Variants in CTNNA2 observed in about 807,000 individuals in gnomAD.
The protein encoded by CTNNA2 is catenin alpha 2, also known as catenin alpha-2.
In CTNNA2, 42 loss-of-function variants were observed where a neutral mutation model predicts 101.0. That is an observed-to-expected ratio of 0.42 (90% CI 0.32 to 0.54). The LOEUF is 0.54. CTNNA2 is among the 20% of genes least tolerant of loss of function. The probability of loss-of-function intolerance (pLI) is 0.14; values close to 1 mark genes in which losing one functional copy is unlikely to be tolerated. For missense variants in CTNNA2, 871 were observed against 1,223.1 expected, an observed-to-expected ratio of 0.71 and a Z score of 4.29; for synonymous variants, 450 against 456.4, an observed-to-expected ratio of 0.99 and a Z score of 0.18.
intron 1 of CTNNA2, among the ~76,000 whole-genome samples, chr2:79,585,034 A>G (rs1002680022): frequency 2.0e-5 from 3 of 152,148 alleles, no homozygotes; most frequent in Non-Finnish European, 2.9e-5. Context: ...TGGATCTTCC[A>G]CTGGTGTTCA....
intron 7 of CTNNA2, among the ~76,000 whole-genome samples, chr2:80,333,384 G>A (rs1014300435): frequency 1.3e-5 from 2 of 152,278 alleles, no homozygotes; most frequent in Admixed American, 1.3e-4. Flanking sequence ...ATTCAATCTG[G>A]TGTCTGCTCT....
chr2:79,212,514 A>G (rs148836237), intron 2 of CTNNA2, among the ~76,000 whole-genome samples: 5,859 of 152,196 alleles, frequency 0.038, 420 homozygotes, highest in African/African-American at 0.13. Context: ...TAAAAGACCA[A>G]TAGTACATTC....
chr2:80,578,283 T>A (rs1695235597), intron 13 of CTNNA2, among the ~76,000 whole-genome samples: 3 of 152,184 alleles, frequency 2.0e-5, no homozygotes, highest in Admixed American at 2.0e-4. Context: ...TAGTTTCTGT[T>A]TATTGAAAAA....
intron 7 of CTNNA2, among the ~76,000 whole-genome samples, chr2:80,270,726 A>G (rs570086541): frequency 6.6e-6 from 1 of 152,320 alleles, no homozygotes; most frequent in East Asian, 1.9e-4. Context: ...AGGCAGTTCA[A>G]CACCTATCAG....
At chr2:79,479,665 G>A (rs1238118523) in intron 4 of CTNNA2, among the ~76,000 whole-genome samples, 5 of 152,104 alleles carry the variant, frequency 3.3e-5, no homozygotes, top group African/African-American at 1.2e-4. Flanking sequence ...GCTCACACTT[G>A]TAATCCTAGC....
At chr2:79,627,258 C>T (rs1053076301) in intron 1 of CTNNA2, among the ~76,000 whole-genome samples, 2 of 152,234 alleles carry the variant, frequency 1.3e-5, no homozygotes, top group African/African-American at 2.4e-5. Context: ...AAAGCCTATG[C>T]TTCTTCAGTT....
At chr2:80,461,484 T>G (rs926651643) in intron 9 of CTNNA2, among the ~76,000 whole-genome samples, 1 of 152,186 alleles carries the variant, frequency 6.6e-6, no homozygotes, top group African/African-American at 2.4e-5. Context: ...AAATTCCCAT[T>G]GCTAGGGTTC....
chr2:79,593,056 G>T (rs1676962766), intron 1 of CTNNA2, among the ~76,000 whole-genome samples: 1 of 152,222 alleles, frequency 6.6e-6, no homozygotes, highest in Non-Finnish European at 1.5e-5. Context: ...GGAAGTAAAT[G>T]CAGGAATAGT....
At chr2:80,378,139 G>A (rs1477342593) in intron 7 of CTNNA2, among the ~76,000 whole-genome samples, 1 of 151,950 alleles carries the variant, frequency 6.6e-6, no homozygotes, top group Non-Finnish European at 1.5e-5. Context: ...GGCGAATCAC[G>A]AGGTCAGGAG....
intron 18 of CTNNA2, among the ~76,000 whole-genome samples, chr2:80,635,244 C>A (rs1672755174): frequency 6.6e-6 from 1 of 151,712 alleles, no homozygotes; most frequent in Non-Finnish European, 1.5e-5. Context: ...AAGCAGTGAC[C>A]AGGAAAAAAG....
At chr2:79,911,677 TACAGACA>T (rs1288466897) in intron 7 of CTNNA2, among the ~76,000 whole-genome samples, 1 of 152,258 alleles carries the variant, frequency 6.6e-6, no homozygotes, top group Non-Finnish European at 1.5e-5. Context: ...TTGACATGGT[TACAGACA>T]ATACATCAAT....
At chr2:79,866,997 C>T (rs1682157723) in intron 4 of CTNNA2, among the ~76,000 whole-genome samples, 1 of 152,164 alleles carries the variant, frequency 6.6e-6, no homozygotes, top group Non-Finnish European at 1.5e-5. Flanking sequence ...CATAGCCCTC[C>T]TCACACAGTT....
In CTNNA2 at chr2:79,410,215, G is replaced by C. The variant is rs1228745798; in HGVS notation, c.-135+36202G>C. 6.9e-5 allele frequency among the ~76,000 whole-genome samples: 10 copies of C among 145,540 alleles called. No homozygotes were observed. In the Admixed American group the frequency reaches 6.9e-4, roughly 10 times the overall value. On this transcript the variant is annotated intron_variant, in intron 4 of 21. Transcript: ENST00000466387. ...GGAGATTTTGGGCTGAGACAATGGGGTTTTCTAGATATACAATCATGTCAT... is the reference window on the plus strand; with the variant it reads ...GGAGATTTTGGGCTGAGACAATGGGCTTTTCTAGATATACAATCATGTCAT...
intron 4 of CTNNA2, among the ~76,000 whole-genome samples, chr2:79,455,380 T>C (rs529573352): frequency 6.6e-6 from 1 of 152,282 alleles, no homozygotes; most frequent in Non-Finnish European, 1.5e-5. Flanking sequence ...ATCGCAGTTA[T>C]GCCTGAGCTC....
chr2:80,436,156 T>C (rs1257347246), intron 9 of CTNNA2, among the ~76,000 whole-genome samples: 1 of 152,114 alleles, frequency 6.6e-6, no homozygotes, highest in Non-Finnish European at 1.5e-5. Context: ...GTGGCTTCGC[T>C]CCCAACCTCT....
intron 7 of CTNNA2, among the ~76,000 whole-genome samples, chr2:80,244,330 T>A (rs950568182): frequency 6.6e-6 from 1 of 152,218 alleles, no homozygotes; most frequent in Non-Finnish European, 1.5e-5. Context: ...AGACGATTCT[T>A]AACAAAGAGA....
chr2:79,967,306 C>G (rs1473188502), intron 7 of CTNNA2, among the ~76,000 whole-genome samples: 1 of 152,158 alleles, frequency 6.6e-6, no homozygotes, highest in Non-Finnish European at 1.5e-5. Flanking sequence ...ATCCAGGCGT[C>G]TAGGTCCCAA....
At chr2:79,663,826 G>A (rs1196461142) in intron 2 of CTNNA2, among the ~76,000 whole-genome samples, 3 of 152,170 alleles carry the variant, frequency 2.0e-5, no homozygotes, top group Non-Finnish European at 4.4e-5. Flanking sequence ...TTTATCTCCA[G>A]TACCTTTGAC....
chr2:80,102,288 T>G (rs1299937271), intron 7 of CTNNA2, among the ~76,000 whole-genome samples: 3 of 152,174 alleles, frequency 2.0e-5, no homozygotes, highest in Non-Finnish European at 4.4e-5. Flanking sequence ...GACAGTAGCC[T>G]CCAGAAGGAG....
Sources: allele counts gnomAD v4.1 joint callset (sites outside exome capture counted in the v4.1 genomes callset), GRCh38; gene constraint gnomAD v4.1.1; transcripts MANE v1.5; gene names NCBI Gene and HGNC (gene_info 2026-07-23, HGNC 2026-07-21).